The following QRSL1 variants were observed in gnomAD, a reference collection of about 807,000 sequenced individuals.
QRSL1 encodes the protein glutamyl-tRNA(Gln) amidotransferase subunit A, mitochondrial.
A neutral mutation model predicts 61.6 loss-of-function variants in QRSL1; 54 were observed. The observed-to-expected ratio is 0.88, with a 90% CI of 0.70 to 1.10. The LOEUF is 1.10. Ranked by LOEUF, QRSL1 falls within the 50% of genes least tolerant of loss-of-function variation. QRSL1 has a pLI of 0.00. For synonymous variants in QRSL1, 228 were observed against 225.7 expected, an observed-to-expected ratio of 1.01 and a Z score of -0.09; for missense variants, 505 against 622.6, an observed-to-expected ratio of 0.81 and a Z score of 2.01.
rs200585975 is a variant in QRSL1, at chr6:106,655,722, T to G, written c.1150T>G (p.Leu384Val). The change falls in exon 9 of 11, where the codon TTA (leucine) becomes GTA (valine). Residue 384 changes from leucine to valine, a missense_variant. Coordinates refer to ENST00000369046, the MANE Select transcript of QRSL1 (RefSeq NM_018292.5). ...AAGAATTCTCTCAGGAAACTTTTTC[T>G]TATTAAAAGAGTAAGACAACTCATT... ...RGRILSGNFF[L>V]LKENYENYFV... 6.2e-7 allele frequency: 1 copy of G among 1,602,318 alleles called. No individual in the cohort carries two copies. The highest frequency in any genetic ancestry group is 2.2e-5 in the East Asian group (1 of 44,686).
chr6:106,643,900 T>C (rs1777065616), intron 4 of QRSL1, among the ~76,000 whole-genome samples: 1 of 151,726 alleles, frequency 6.6e-6, no homozygotes, highest in African/African-American at 2.4e-5. Context: ...AGACAGAGTT[T>C]TGCTCTTGTC....
chr6:106,663,420 G>A (rs776759956), intron 10 of QRSL1, among the ~76,000 whole-genome samples: 8 of 152,116 alleles, frequency 5.3e-5, no homozygotes, highest in Non-Finnish European at 1.0e-4. Context: ...ACAGTTCTGC[G>A]GGCTGTACAG....
chr6:106,643,911 A>G (rs971964019), intron 4 of QRSL1, among the ~76,000 whole-genome samples: 32 of 145,442 alleles, frequency 2.2e-4, no homozygotes, highest in Admixed American at 1.9e-3. Context: ...TGCTCTTGTC[A>G]TCCACGCTGG....
rs188320586 is a variant in QRSL1, at chr6:106,638,347, C to T, written c.25-2002C>T. On this transcript the variant is annotated intron_variant, in intron 1 of 10. Transcript: ENST00000369046. The stretch of plus-strand genomic sequence containing the variant: ...GAGACAGAGTTTCGCTTTTGTTGCC[C>T]GGGTTGGAGTGCATTGGCACGATCT... Among the ~76,000 whole-genome samples, 15 of 149,726 alleles carry T rather than the reference C, an allele frequency of 1.0e-4. No individual in the cohort carries two copies. The East Asian group carries it at 1.2e-3, about 12-fold the overall frequency.
chr6:106,646,955 G>A (rs1445733076), intron 4 of QRSL1, among the ~76,000 whole-genome samples: 1 of 147,596 alleles, frequency 6.8e-6, no homozygotes, highest in Non-Finnish European at 1.5e-5. Flanking sequence ...ATGAACCCGG[G>A]AGGCAGAGGT....
intron 4 of QRSL1, among the ~76,000 whole-genome samples, chr6:106,645,457 C>G (rs548024407): frequency 1.3e-5 from 2 of 151,878 alleles, no homozygotes; most frequent in African/African-American, 2.4e-5. Flanking sequence ...GAATCTCACT[C>G]TGTCACCCAG....
At chr6:106,642,939 C>A in intron 3 of QRSL1, 55 bp from the exon 4 acceptor site, 2 of 1,241,750 alleles carry the variant, frequency 1.6e-6, no homozygotes, top group Non-Finnish European at 2.3e-6. Flanking sequence ...TAGGTATAAA[C>A]AAATAAAAGA....
intron 4 of QRSL1, among the ~76,000 whole-genome samples, chr6:106,646,809 A>C (rs1777112093): frequency 6.6e-6 from 1 of 151,828 alleles, no homozygotes; most frequent in Non-Finnish European, 1.5e-5. Flanking sequence ...CAGGTGGATC[A>C]CAAGGTCAGG....
intron 1 of QRSL1, among the ~76,000 whole-genome samples, chr6:106,632,664 A>G (rs1243554245): frequency 6.6e-6 from 1 of 152,190 alleles, no homozygotes; most frequent in Non-Finnish European, 1.5e-5. Flanking sequence ...CTGGAGTGAG[A>G]TGATATCTCA....
intron 10 of QRSL1, among the ~76,000 whole-genome samples, chr6:106,664,978 T>A (rs529725020): frequency 6.6e-6 from 1 of 152,170 alleles, no homozygotes; most frequent in African/African-American, 2.4e-5. Context: ...CCTTCTACAT[T>A]TATTAGCTAG....
rs185075917 is a variant in QRSL1 at position 106,659,202 on chromosome 6, C to T, written c.1160+3470C>T. Among the ~76,000 whole-genome samples, 25 of 152,244 alleles carry T rather than the reference C, an allele frequency of 1.6e-4. No individual in the cohort carries two copies. The East Asian group carries it at 4.2e-3, about 26-fold the overall frequency. On this transcript the variant is annotated intron_variant, in intron 9 of 10. Coordinates refer to ENST00000369046, the MANE Select transcript of QRSL1 (RefSeq NM_018292.5). ...TATTTAGGCTGCGTGCGGTGGCTCA[C>T]ACCTGTAATCCCAGCACTTTGGGAG...
chr6:106,660,227 C>T (rs76605630), intron 9 of QRSL1, among the ~76,000 whole-genome samples: 6,135 of 152,072 alleles, frequency 0.04, 186 homozygotes, highest in East Asian at 0.13. Flanking sequence ...GAGACAGGGC[C>T]TCACTTGGTC....
At chr6:106,664,442 C>T (rs905699485) in intron 10 of QRSL1, among the ~76,000 whole-genome samples, 1 of 152,152 alleles carries the variant, frequency 6.6e-6, no homozygotes, top group Non-Finnish European at 1.5e-5. Context: ...TTTAGCCTTT[C>T]TTTTAGGGTA....
chr6:106,648,109 A>T (rs1270085451), intron 4 of QRSL1, among the ~76,000 whole-genome samples: 2 of 151,664 alleles, frequency 1.3e-5, no homozygotes, highest in African/African-American at 4.8e-5. Flanking sequence ...CATCCTGGCC[A>T]ACGTGGTGAA....
intron 1 of QRSL1, among the ~76,000 whole-genome samples, chr6:106,632,387 T>A (rs1013348279): frequency 5.3e-5 from 8 of 151,996 alleles, no homozygotes; most frequent in African/African-American, 1.4e-4. Context: ...TATTTTTAAT[T>A]ATTTTTTTTT....
rs1777432806 is a variant in QRSL1, at chr6:106,666,245, G to A, written c.*243G>A. On this transcript the variant is annotated 3_prime_UTR_variant, in exon 11 of 11. Transcript: ENST00000369046. The stretch of plus-strand genomic sequence containing the variant: ...GAGAATCACTTGAACCCTGGAGGTG[G>A]AGGTTGCAGTGAGCCGAGATCATGC... 2.1e-6 allele frequency: 1 copy of A among 466,042 alleles called. No homozygotes were observed. Among genetic ancestry groups the A allele is most frequent in the Non-Finnish European group, 3.9e-6 (1 of 254,782 alleles). 28.9% of individuals were successfully genotyped at this position (466,042 alleles called of 1,614,324 possible).
rs1777431203 is a variant in QRSL1 at position 106,666,183 on chromosome 6, G to A, written c.*181G>A. On this transcript the variant is annotated 3_prime_UTR_variant, in exon 11 of 11. Coordinates refer to ENST00000369046, the MANE Select transcript of QRSL1 (RefSeq NM_018292.5). Reference sequence around the variant, plus strand: ...AAAAATTAGCCAGGCTTAGTGGCGGGCATCTGTAGTCCCAGCTACTCAGGA... The same window carrying A: ...AAAAATTAGCCAGGCTTAGTGGCGGACATCTGTAGTCCCAGCTACTCAGGA... 3 of 573,696 alleles carry A rather than the reference G, an allele frequency of 5.2e-6. No homozygotes were observed. Among genetic ancestry groups the A allele is most frequent in the Non-Finnish European group, 9.2e-6 (3 of 325,300 alleles). 35.5% of individuals were successfully genotyped at this position (573,696 alleles called of 1,614,324 possible).
chr6:106,655,852 A>T, intron 9 of QRSL1, 120 bp downstream of exon 9: 2 of 663,344 alleles, frequency 3.0e-6, no homozygotes, highest in South Asian at 3.5e-5. Context: ...TTTGAATTAG[A>T]AAAGACCTGT....
chr6:106,654,891 G>A lies in QRSL1; in HGVS notation c.1011G>A (p.Ser337=), dbSNP rs143085016. 79 of 1,607,918 alleles carry A rather than the reference G, an allele frequency of 4.9e-5. No individual in the cohort carries two copies. In the East Asian group the frequency reaches 6.9e-4, roughly 14 times the overall value. Residue 337 remains serine, a synonymous_variant, in exon 8 of 11, where the codon TCG becomes TCA. Transcript: ENST00000369046. ...YHVLCTSEVA[S]NMARFDGLQY... ...TATTGTGCACATCAGAAGTGGCATC[G>A]AATATGGCAAGATTTGATGGGCTAC...
Sources: gnomAD v4.1 joint callset for allele counts (sites outside exome capture counted in the v4.1 genomes callset) on GRCh38, gnomAD v4.1.1 for gene constraint, MANE v1.5 for transcripts, NCBI Gene and HGNC (gene_info 2026-07-23, HGNC 2026-07-21) for gene names.